The following TTC7B variants were observed in gnomAD, a reference collection of about 807,000 sequenced individuals.
TTC7B encodes the protein tetratricopeptide repeat protein 7B.
Under a neutral mutation model 106.8 loss-of-function variants are expected in TTC7B, and 28 were observed. The observed-to-expected ratio is 0.26, with a 90% CI of 0.19 to 0.36. The LOEUF is 0.36. Ranked by LOEUF, TTC7B falls within the 10% of genes least tolerant of loss-of-function variation. TTC7B has a pLI of 1.00. For synonymous variants in TTC7B, 405 were observed against 430.6 expected (o/e 0.94, Z 0.74); for missense variants, 862 against 1,076.4 (o/e 0.80, Z 2.79).
intron 2 of TTC7B, among the ~76,000 whole-genome samples, chr14:90,784,300 G>A (rs1891309823): frequency 6.6e-6 from 1 of 152,238 alleles, no homozygotes; most frequent in Admixed American, 6.5e-5. Context: ...GCTCACGCCT[G>A]TAATCCCAGC....
At chr14:90,783,526 C>G (rs1052678611) in intron 2 of TTC7B, among the ~76,000 whole-genome samples, 1 of 152,132 alleles carries the variant, frequency 6.6e-6, no homozygotes, top group African/African-American at 2.4e-5. Flanking sequence ...CAAAACAATC[C>G]TGGGTTAAGT....
chr14:90,662,408 T>G (rs1886244555), intron 9 of TTC7B, among the ~76,000 whole-genome samples: 1 of 152,320 alleles, frequency 6.6e-6, no homozygotes, highest in African/African-American at 2.4e-5. Context: ...AAGTTACTTT[T>G]CTGCTTAACA....
At chr14:90,773,385 G>A (rs1227294361) in intron 3 of TTC7B, among the ~76,000 whole-genome samples, 1 of 152,080 alleles carries the variant, frequency 6.6e-6, no homozygotes, top group African/African-American at 2.4e-5. Flanking sequence ...GAGTGATTAT[G>A]CTCCCACTGA....
At chr14:90,599,220 C>T (rs543954718) in intron 17 of TTC7B, among the ~76,000 whole-genome samples, 195 of 152,308 alleles carry the variant, frequency 1.3e-3, no homozygotes, top group African/African-American at 4.5e-3. Context: ...CTTCATATCC[C>T]TGTATTTGTC....
At position 90,577,670 on chromosome 14, in the gene TTC7B, G is replaced by A. The variant is rs1891312812; in HGVS notation, c.2310+436C>T. 6.6e-6 allele frequency among the ~76,000 whole-genome samples: 1 copy of A among 152,190 alleles called. No homozygotes were observed. The highest frequency in any genetic ancestry group is 1.5e-5 in the Non-Finnish European group (1 of 68,038). On this transcript the variant is annotated intron_variant, in intron 19 of 19. Transcript: ENST00000328459. The surrounding 1 kb of genome is among the most constrained non-coding windows in gnomAD (Gnocchi z 5.0). ...ATGCTGGAGTCTCAGGCTCCCTTAA[G>A]GCAAGAGAGTCTCCCAGTTTGTAAA...
intron 4 of TTC7B, among the ~76,000 whole-genome samples, chr14:90,737,353 AG>A (rs1889575351): frequency 6.6e-6 from 1 of 152,226 alleles, no homozygotes; most frequent in Non-Finnish European, 1.5e-5. Flanking sequence ...ATAGCCAAAA[AG>A]TAAAAGCAAC....
At chr14:90,665,646 A>G (rs569382972) in intron 9 of TTC7B, among the ~76,000 whole-genome samples, 1 of 152,240 alleles carries the variant, frequency 6.6e-6, no homozygotes, top group Non-Finnish European at 1.5e-5. Context: ...AAATAAAATA[A>G]TCAGATACCC....
chr14:90,730,309 T>C, intron 4 of TTC7B, 113 bp from the exon 5 acceptor site: 1 of 1,288,222 alleles, frequency 7.8e-7, no homozygotes, highest in Non-Finnish European at 1.1e-6. Context: ...CTCAGGCAAA[T>C]ATCAGTGCAG....
At position 90,759,025 on chromosome 14, in the gene TTC7B, T is replaced by C. The variant is rs1890411611; in HGVS notation, c.446-14103A>G. ...ACACAGTAGGCACTCAACAAACCGT[T>C]CCTCTGTCTGTCTTGAGAGACTGCG... On this transcript the variant is annotated intron_variant, in intron 3 of 19. Coordinates refer to ENST00000328459, the MANE Select transcript of TTC7B (RefSeq NM_001010854.2). The surrounding 1 kb of genome is among the most constrained non-coding windows in gnomAD (Gnocchi z 4.1). Among the ~76,000 whole-genome samples, 1 of 152,226 alleles carries C rather than the reference T, an allele frequency of 6.6e-6. No homozygotes were observed. The highest frequency in any genetic ancestry group is 2.4e-5 in the African/African-American group (1 of 41,456).
At chr14:90,713,492 TG>T (rs1302840833) in intron 5 of TTC7B, among the ~76,000 whole-genome samples, 1 of 152,166 alleles carries the variant, frequency 6.6e-6, no homozygotes, top group Admixed American at 6.5e-5. Flanking sequence ...AAAATCACAA[TG>T]GGATACTACT....
In TTC7B at chr14:90,541,315, G is replaced by A. The variant is rs530841919; in HGVS notation, c.*53C>T. ...TTGGGGCGATGGCACAAGCCCTGGT[G>A]CCCGGCAGGGCCTCTGAGGCCTGAG... On this transcript the variant is annotated 3_prime_UTR_variant, in exon 20 of 20. Coordinates refer to ENST00000328459, the MANE Select transcript of TTC7B (RefSeq NM_001010854.2). 1,161 of 1,493,874 alleles carry A rather than the reference G, an allele frequency of 7.8e-4. 15 individuals carry two copies. Among genetic ancestry groups the A allele is most frequent in the Non-Finnish European group, 7.4e-5 (82 of 1,102,178 alleles). The allele number at this position is 1,493,874 out of a possible 1,614,324, so 92.5% of individuals were successfully genotyped here. A position where few individuals can be genotyped will look rare whatever the true frequency, so the allele number is the denominator to read the frequency against.
At chr14:90,771,633 G>A (rs746005409) in intron 3 of TTC7B, among the ~76,000 whole-genome samples, 7 of 151,928 alleles carry the variant, frequency 4.6e-5, no homozygotes, top group Non-Finnish European at 1.0e-4. Flanking sequence ...GCACACCACC[G>A]TGCAGCCTTT....
intron 6 of TTC7B, among the ~76,000 whole-genome samples, chr14:90,693,404 C>T (rs1887550408): frequency 6.6e-6 from 1 of 152,154 alleles, no homozygotes; most frequent in Non-Finnish European, 1.5e-5. Flanking sequence ...GTATATTTTT[C>T]TTCCAAGTTT....
At position 90,578,175 on chromosome 14, in the gene TTC7B, G is replaced by C; in HGVS notation, c.2241C>G (p.Asp747Glu). The C allele has an allele frequency of 6.2e-7, 1 of 1,613,870 alleles. No homozygotes were observed. Among genetic ancestry groups the C allele is most frequent in the South Asian group, 1.1e-5 (1 of 90,950 alleles). The change falls in exon 19 of 20, where the codon GAC becomes GAG. Residue 747 changes from aspartate (D) to glutamate (E), a missense_variant. Transcript: ENST00000328459. This position sits in a 1 kb window ranked among gnomAD's most constrained non-coding sequence, Gnocchi z 4.7. ...CCTCTTCATACCACCGCCGCGCCTCGTCCATGCTTCCCCGGAGCTCAGCAA... is the reference window on the plus strand; with the variant it reads ...CCTCTTCATACCACCGCCGCGCCTCCTCCATGCTTCCCCGGAGCTCAGCAA... ...GQIAELRGSM[D>E]EARRWYEEAL...
At chr14:90,597,880 C>T (rs761195563) in intron 17 of TTC7B, among the ~76,000 whole-genome samples, 2 of 152,270 alleles carry the variant, frequency 1.3e-5, no homozygotes, top group Non-Finnish European at 2.9e-5. Flanking sequence ...GCACTATTAA[C>T]TTAAGGTGGA....
chr14:90,567,309 C>T (rs373321702), intron 19 of TTC7B, among the ~76,000 whole-genome samples: 1 of 152,214 alleles, frequency 6.6e-6, no homozygotes, highest in African/African-American at 2.4e-5. Context: ...ACGTCCTGGG[C>T]TCAGGGCAGC....
chr14:90,605,581 G>T (rs78244935), intron 17 of TTC7B: 1 of 1,270,546 alleles, frequency 7.9e-7, no homozygotes, highest in Non-Finnish European at 1.0e-6. Flanking sequence ...CACAAGAAAG[G>T]AAAAACCATG....
intron 3 of TTC7B, among the ~76,000 whole-genome samples, chr14:90,780,098 G>A (rs1319949652): frequency 3.2e-4 from 48 of 152,092 alleles, no homozygotes; most frequent in Admixed American, 3.1e-3. Context: ...AAACTTTGCT[G>A]AAGCTGGGCG....
At chr14:90,671,290 G>A (rs749047706) in intron 9 of TTC7B, among the ~76,000 whole-genome samples, 14 of 152,202 alleles carry the variant, frequency 9.2e-5, no homozygotes, top group Non-Finnish European at 1.6e-4. Flanking sequence ...TCACTAGTCA[G>A]ACAGTTCTAC....
Sources: gnomAD v4.1 joint callset for allele counts (sites outside exome capture counted in the v4.1 genomes callset) on GRCh38, gnomAD v4.1.1 for gene constraint, Gnocchi (gnomAD v3.1) non-coding constraint, MANE v1.5 for transcripts, NCBI Gene and HGNC (gene_info 2026-07-23, HGNC 2026-07-21) for gene names.